The following TRHDE variants were observed in gnomAD, a reference collection of about 807,000 sequenced individuals.
TRHDE encodes thyrotropin-releasing hormone-degrading ectoenzyme.
In TRHDE, 72 loss-of-function variants were observed where a neutral mutation model predicts 125.7. The ratio of observed to expected loss-of-function variants is 0.57; its 90% CI spans 0.47 to 0.70. The LOEUF (loss-of-function observed/expected upper bound fraction) is 0.70. Among genes scored for constraint, TRHDE ranks in the 30% least tolerant of loss-of-function variants. The pLI is 0.00. For missense variants in TRHDE, 1,110 were observed against 1,327.1 expected, an observed-to-expected ratio of 0.84 and a Z score of 2.54; for synonymous variants, 509 against 509.1, an observed-to-expected ratio of 1.00 and a Z score of 0.00.
At chr12:72,188,351 C>A (rs536738254) in intron 2 of TRHDE, among the ~76,000 whole-genome samples, 2 of 152,318 alleles carry the variant, frequency 1.3e-5, no homozygotes, top group African/African-American at 4.8e-5. Context: ...TAGGTAAAGT[C>A]ATTGTGAAAA....
chr12:72,171,362 G>A (rs777471218), intron 2 of TRHDE, among the ~76,000 whole-genome samples: 7 of 152,156 alleles, frequency 4.6e-5, no homozygotes, highest in African/African-American at 1.4e-4. Context: ...ATGTGAGAAG[G>A]GCTCTTTCTA....
intron 9 of TRHDE, among the ~76,000 whole-genome samples, chr12:72,563,746 C>G (rs953765218): frequency 6.8e-6 from 1 of 147,952 alleles, no homozygotes; most frequent in Non-Finnish European, 1.5e-5. Context: ...TTAAATCATT[C>G]CATTTCATTT....
At chr12:72,421,724 A>G (rs1295675163) in intron 3 of TRHDE, among the ~76,000 whole-genome samples, 1 of 152,140 alleles carries the variant, frequency 6.6e-6, no homozygotes, top group Non-Finnish European at 1.5e-5. Flanking sequence ...AGTTAGTTTG[A>G]TTATTATTAT....
intron 5 of TRHDE, among the ~76,000 whole-genome samples, chr12:72,488,746 T>C (rs1410466442): frequency 6.6e-6 from 1 of 151,910 alleles, no homozygotes; most frequent in African/African-American, 2.4e-5. Flanking sequence ...ATAGACCATA[T>C]GTAAGGCCAC....
At chr12:72,507,201 G>A (rs1417938221) in intron 6 of TRHDE, among the ~76,000 whole-genome samples, 1 of 152,132 alleles carries the variant, frequency 6.6e-6, no homozygotes, top group Non-Finnish European at 1.5e-5. Flanking sequence ...ATTCTTTATA[G>A]CAATGTGAGA....
intron 2 of TRHDE, among the ~76,000 whole-genome samples, chr12:72,124,229 T>G (rs760100865): frequency 6.6e-6 from 1 of 152,200 alleles, no homozygotes; most frequent in Non-Finnish European, 1.5e-5. Context: ...AAATCCCTAA[T>G]GTTCAATGAA....
intron 2 of TRHDE, among the ~76,000 whole-genome samples, chr12:72,110,641 G>T (rs1172990330): frequency 2.0e-5 from 3 of 151,954 alleles, no homozygotes; most frequent in African/African-American, 2.4e-5. Context: ...AATAACACTA[G>T]GTTCTTTTGA....
At chr12:72,630,164 C>T (rs2136085712) in intron 15 of TRHDE, among the ~76,000 whole-genome samples, 1 of 151,620 alleles carries the variant, frequency 6.6e-6, no homozygotes, top group East Asian at 2.0e-4. Flanking sequence ...TAGTGGCCTC[C>T]AAAAGATGCC....
chr12:72,417,556 T>C (rs73344408), intron 3 of TRHDE, among the ~76,000 whole-genome samples: 1 of 151,972 alleles, frequency 6.6e-6, no homozygotes, highest in Non-Finnish European at 1.5e-5. Flanking sequence ...TTTGATGTTA[T>C]TTTTCAGAGG....
intron 2 of TRHDE, among the ~76,000 whole-genome samples, chr12:72,198,323 A>G (rs1229418705): frequency 1.3e-5 from 2 of 152,072 alleles, no homozygotes; most frequent in Admixed American, 6.6e-5. Flanking sequence ...TGTGTATACA[A>G]TTTTAAATTA....
intron 1 of TRHDE, among the ~76,000 whole-genome samples, chr12:72,096,073 A>G (rs1218467852): frequency 1.3e-5 from 2 of 150,472 alleles, no homozygotes; most frequent in Non-Finnish European, 3.0e-5. Flanking sequence ...CAGATTTTGG[A>G]CTTGTCAGCC....
Position 72,669,937 on chromosome 12 carries a change from T to C in TRHDE, c.*6742T>C, listed in dbSNP as rs1165848303. 3 of 151,722 alleles carry C rather than the reference T, an allele frequency of 2.0e-5. No individual in the cohort carries two copies. 9.4% of individuals were successfully genotyped at this position (151,722 alleles called of 1,614,324 possible). A position where few individuals can be genotyped will look rare whatever the true frequency, so the allele number is the denominator to read the frequency against. On this transcript the variant is annotated 3_prime_UTR_variant, in exon 19 of 19. Transcript: ENST00000261180. ...TTAGGGCTGAAAAACTAAAAAAGATTAGGGCTTGTATTATGCATTGTCTAG... is the reference window on the plus strand; with the variant it reads ...TTAGGGCTGAAAAACTAAAAAAGATCAGGGCTTGTATTATGCATTGTCTAG...
At chr12:72,099,618 G>A (rs1287627850) in intron 1 of TRHDE, among the ~76,000 whole-genome samples, 3 of 152,116 alleles carry the variant, frequency 2.0e-5, no homozygotes, top group Non-Finnish European at 4.4e-5. Context: ...TTAGCATGTG[G>A]AATTTTTAGT....
At chr12:72,323,734 C>A (rs1869205943) in intron 2 of TRHDE, among the ~76,000 whole-genome samples, 1 of 152,016 alleles carries the variant, frequency 6.6e-6, no homozygotes, top group Non-Finnish European at 1.5e-5. Context: ...CAGAACGAGA[C>A]AACTGTGGGA....
At chr12:72,382,704 T>C (rs1293195153) in intron 3 of TRHDE, among the ~76,000 whole-genome samples, 3 of 152,318 alleles carry the variant, frequency 2.0e-5, no homozygotes, top group African/African-American at 4.8e-5. Flanking sequence ...GGGTGTTACA[T>C]TGCAAAACAG....
At chr12:72,347,173 A>G (rs1250282849) in intron 2 of TRHDE, among the ~76,000 whole-genome samples, 2 of 152,072 alleles carry the variant, frequency 1.3e-5, no homozygotes, top group East Asian at 1.9e-4. Flanking sequence ...CTAGGACTTC[A>G]ATGTTTAGGT....
chr12:72,157,455 A>G (rs1876543134), intron 2 of TRHDE, among the ~76,000 whole-genome samples: 1 of 152,206 alleles, frequency 6.6e-6, no homozygotes, highest in African/African-American at 2.4e-5. Context: ...AGTTCAAGCA[A>G]GAGATGATGG....
Position 72,208,657 on chromosome 12 carries a change from A to G in TRHDE, n.279+102905A>G, listed in dbSNP as rs548619152. 3.9e-5 allele frequency among the ~76,000 whole-genome samples: 6 copies of G among 152,306 alleles called. 1 individual carries two copies. The highest frequency in any genetic ancestry group is 1.3e-4 in the Admixed American group (2 of 15,302). On this transcript the variant is annotated intron_variant and non_coding_transcript_variant, in intron 2 of 4. Coordinates refer to the TRHDE transcript ENST00000548156. ...CAAATTGGGAATAATAATAGTATCT[A>G]TCTCACAGGGTTTTAGTGAAGATTA...
chr12:72,650,484 G>A (rs1293190248), intron 15 of TRHDE, among the ~76,000 whole-genome samples: 1 of 151,916 alleles, frequency 6.6e-6, no homozygotes, highest in African/African-American at 2.4e-5. Flanking sequence ...ATTTCTACAT[G>A]CCTTTTCTTC....
Sources: gnomAD v4.1 joint callset for allele counts (sites outside exome capture counted in the v4.1 genomes callset) on GRCh38, gnomAD v4.1.1 for gene constraint, MANE v1.5 for transcripts, NCBI Gene and HGNC (gene_info 2026-07-23, HGNC 2026-07-21) for gene names.